Variants in LAMB2 observed in about 807,000 individuals in gnomAD.
LAMB2 encodes the protein laminin subunit beta 2.
A neutral mutation model predicts 202.7 loss-of-function variants in LAMB2; 119 were observed. That is an observed-to-expected ratio of 0.59 (90% CI 0.51 to 0.68). The LOEUF is 0.68. LAMB2 is among the 30% of genes least tolerant of loss of function. LAMB2 has a pLI of 0.00. For synonymous variants in LAMB2, 818 were observed against 902.2 expected, an observed-to-expected ratio of 0.91 and a Z score of 1.67; for missense variants, 2,124 against 2,410.6, an observed-to-expected ratio of 0.88 and a Z score of 2.49.
In LAMB2 at chr3:49,125,186, G is replaced by A. The variant is rs2045398516; in HGVS notation, c.2721-17C>T. The A allele has an allele frequency of 6.2e-7, 1 of 1,613,540 alleles. No individual in the cohort carries two copies. Among genetic ancestry groups the A allele is most frequent in the South Asian group, 1.1e-5 (1 of 91,084 alleles). ...GCAATGCACCTGCAGGGAGGAGGAA[G>A]AAGAAATGTGTCATCCCTGGGAAGC... On this transcript the variant is annotated splice_polypyrimidine_tract_variant and intron_variant, in intron 19 of 31. Coordinates refer to ENST00000305544, the MANE Select transcript of LAMB2 (RefSeq NM_002292.4).
chr3:49,124,928 G>C lies in LAMB2; in HGVS notation c.2885-3C>G. 1 of 1,614,006 alleles carries C rather than the reference G, an allele frequency of 6.2e-7. No individual in the cohort carries two copies. Among genetic ancestry groups the C allele is most frequent in the Non-Finnish European group, 8.5e-7 (1 of 1,180,024 alleles). On this transcript the variant is annotated splice_region_variant and splice_polypyrimidine_tract_variant and intron_variant, in intron 20 of 31. Coordinates refer to ENST00000305544, the MANE Select transcript of LAMB2 (RefSeq NM_002292.4). Reference sequence around the variant, plus strand: ...GGCACAAGCTTCACATCGCAGCCCTGCCCACGGTTAAGAGGAAGCTGTGAG... The same window carrying C: ...GGCACAAGCTTCACATCGCAGCCCTCCCCACGGTTAAGAGGAAGCTGTGAG...
In LAMB2 at chr3:49,131,496, C is replaced by G. The variant is rs757961189; in HGVS notation, c.648+39G>C. On this transcript the variant is annotated intron_variant, in intron 5 of 31. Transcript: ENST00000305544. The surrounding 1 kb of genome is among the most constrained non-coding windows in gnomAD (Gnocchi z 5.0). Reference sequence around the variant, plus strand: ...CTGGACCTTGCCTCAGGCCCATCATCCCCAGCTTCCAGCCCCCAGCCCAGA... The same window carrying G: ...CTGGACCTTGCCTCAGGCCCATCATGCCCAGCTTCCAGCCCCCAGCCCAGA... 4 of 1,613,862 alleles carry G rather than the reference C, an allele frequency of 2.5e-6. No homozygotes were observed. Among genetic ancestry groups the G allele is most frequent in the Non-Finnish European group, 3.4e-6 (4 of 1,179,816 alleles).
Position 49,121,795 on chromosome 3 carries a change from C to T in LAMB2, c.4989G>A (p.Leu1663=), listed in dbSNP as rs555797396. ...ATTTCAGAGCCTCCAGGAGAGCATC[C>T]AACTGCCGAGCCCTTTCACCTGCAG... ...LSSAGERARQ[L]DALLEALKLK... Residue 1663 remains leucine (L), a synonymous_variant, in exon 30 of 32, where the codon TTG becomes TTA. Coordinates refer to ENST00000305544, the MANE Select transcript of LAMB2 (RefSeq NM_002292.4). The T allele has an allele frequency of 1.2e-6, 2 of 1,613,392 alleles. No homozygotes were observed. The highest frequency in any genetic ancestry group is 2.2e-5 in the East Asian group (1 of 44,890).
chr3:49,132,566 T>A lies in LAMB2; in HGVS notation c.174A>T (p.Arg58=). Residue 58 remains arginine (R), a synonymous_variant, in exon 2 of 32, where the codon CGA becomes CGT. Transcript: ENST00000305544. The surrounding 1 kb of genome is among the most constrained non-coding windows in gnomAD (Gnocchi z 4.6). ...YPATGDLLVG[R]ADRLTASSTC... The stretch of plus-strand genomic sequence containing the variant: ...TGGATGAGGCAGTCAGTCTGTCAGC[T>A]CGGCCCACCAGCAGGTCGCCCGTGG... 1 of 1,613,686 alleles carries A rather than the reference T, an allele frequency of 6.2e-7. No individual in the cohort carries two copies. The highest frequency in any genetic ancestry group is 8.5e-7 in the Non-Finnish European group (1 of 1,180,022).
intron 15 of LAMB2, among the ~76,000 whole-genome samples, chr3:49,127,831 C>T (rs374092082): frequency 3.7e-4 from 56 of 150,450 alleles, no homozygotes; most frequent in Middle Eastern, 3.5e-3. Flanking sequence ...CCATCCTGGC[C>T]AACATGGTGA....
At chr3:49,122,543 A>T (rs1398538426) in intron 27 of LAMB2, 161 bp downstream of exon 27, 3 of 909,406 alleles carry the variant, frequency 3.3e-6, no homozygotes, top group Non-Finnish European at 5.4e-6. Context: ...AAGAACATGG[A>T]CCTGGGACCA....
chr3:49,125,488 G>T lies in LAMB2; in HGVS notation c.2489-4C>A, dbSNP rs1229351348. ...CCCTCGTGGCTGCACTGGCAGGCTA[G>T]GAGCAAGGCAGAGCTGAGCCAGAGC... is the stretch of plus-strand genomic sequence containing the variant. On this transcript the variant is annotated splice_region_variant and splice_polypyrimidine_tract_variant and intron_variant, in intron 18 of 31. Transcript: ENST00000305544. The T allele has an allele frequency of 6.3e-7, 1 of 1,583,988 alleles. No individual in the cohort carries two copies. Among genetic ancestry groups the T allele is most frequent in the Non-Finnish European group, 8.6e-7 (1 of 1,164,958 alleles).
rs1416648997 is a variant in LAMB2, at chr3:49,122,212, C to G, written c.4732G>C (p.Gly1578Arg). ...DVDAILARTV[G>R]DVRRAEQLLQ... is the part of the protein sequence containing the mutation. Reference sequence around the variant, plus strand: ...AGCTGCTCGGCACGACGCACATCTCCTACAGTACGTGCCAGGATCGCATCC... The same window carrying G: ...AGCTGCTCGGCACGACGCACATCTCGTACAGTACGTGCCAGGATCGCATCC... Residue 1578 changes from glycine (G) to arginine (R), a missense_variant, in exon 28 of 32, where the codon GGA becomes CGA. Gly to Arg is a moderately radical substitution (Grantham distance 125, BLOSUM62 -2). Around this residue, in one of 3 missense-constraint regions of LAMB2, gnomAD observed 1,702 missense variants for 1,896.3 expected, o/e 0.90. Transcript: ENST00000305544. 6.2e-7 allele frequency: 1 copy of G among 1,613,496 alleles called. No individual in the cohort carries two copies. Among genetic ancestry groups the G allele is most frequent in the Non-Finnish European group, 8.5e-7 (1 of 1,180,036 alleles).
Position 49,127,832 on chromosome 3 carries a change from A to G in LAMB2, c.2018+626T>C, listed in dbSNP as rs572770195. ...TCAGAAGATCGAGGCCATCCTGGCC[A>G]ACATGGTGAAACCCCATCTCTACTA... On this transcript the variant is annotated intron_variant, in intron 15 of 31. Transcript: ENST00000305544. Among the ~76,000 whole-genome samples, 6 of 152,222 alleles carry G rather than the reference A, an allele frequency of 3.9e-5. No homozygotes were observed. The East Asian group carries it at 1.2e-3, about 30-fold the overall frequency.
Position 49,132,634 on chromosome 3 carries a change from C to T in LAMB2, c.106G>A (p.Ala36Thr). 1 of 1,614,012 alleles carries T rather than the reference C, an allele frequency of 6.2e-7. No homozygotes were observed. The highest frequency in any genetic ancestry group is 8.5e-7 in the Non-Finnish European group (1 of 1,180,012). The part of the protein sequence containing the change: ...VLAATLAQAP[A>T]PDVPGCSRGS... ...CTGGAACAGCCAGGCACATCCGGGG[C>T]AGGGGCCTGTGCCAGTGTGGCAGCC... The change falls in exon 2 of 32, where the codon GCC (alanine) becomes ACC (threonine). Residue 36 changes from alanine to threonine, a missense_variant. Physicochemically the swap from Ala to Thr is moderately conservative, Grantham distance 58. This residue lies in a region of LAMB2 where 166 missense variants were observed against 158.2 expected (regional missense o/e 1.05). Coordinates refer to ENST00000305544, the MANE Select transcript of LAMB2 (RefSeq NM_002292.4). The surrounding 1 kb of genome is among the most constrained non-coding windows in gnomAD (Gnocchi z 4.6).
In LAMB2 at chr3:49,122,371, C is replaced by T. The variant is rs1246388514; in HGVS notation, c.4574-1G>A. The stretch of plus-strand genomic sequence containing the variant: ...ATGCTATCAGGATCAGCCCCCTCCT[C>T]TATAGGGACACAGCAAGAACTTAAG... On this transcript the variant is annotated splice_acceptor_variant, in intron 27 of 31. Transcript: ENST00000305544. LOFTEE classifies it high-confidence loss of function. 6.2e-7 allele frequency: 1 copy of T among 1,612,894 alleles called. No homozygotes were observed. The highest frequency in any genetic ancestry group is 8.5e-7 in the Non-Finnish European group (1 of 1,179,766).
rs751094333 is a variant in LAMB2, at chr3:49,129,004, G to A, written c.1731+16C>T. The A allele has an allele frequency of 2.5e-6, 4 of 1,606,210 alleles. No homozygotes were observed. Among genetic ancestry groups the A allele is most frequent in the Non-Finnish European group, 3.4e-6 (4 of 1,179,972 alleles). The stretch of plus-strand genomic sequence containing the variant: ...CCACCCACATCCAGCCCTCTGCTTA[G>A]GGGGAGGCCCCACACCTGCCCTCGG... On this transcript the variant is annotated intron_variant, in intron 13 of 31. Transcript: ENST00000305544. This position sits in a 1 kb window ranked among gnomAD's most constrained non-coding sequence, Gnocchi z 6.1.
chr3:49,122,347 T>C lies in LAMB2; in HGVS notation c.4597A>G (p.Ile1533Val), dbSNP rs2045327836. The C allele has an allele frequency of 1.5e-5, 24 of 1,613,298 alleles. No individual in the cohort carries two copies. Among genetic ancestry groups the C allele is most frequent in the Non-Finnish European group, 2.0e-5 (24 of 1,180,042 alleles). ...LNQEGADPDSIEMVATRVLEL... is the reference protein window; with the variant it reads ...LNQEGADPDSVEMVATRVLEL... ...AGCACCCGTGTGGCCACCATTTCAATGCTATCAGGATCAGCCCCCTCCTCT... is the reference window on the plus strand; with the variant it reads ...AGCACCCGTGTGGCCACCATTTCAACGCTATCAGGATCAGCCCCCTCCTCT... The change falls in exon 28 of 32, where the codon ATT becomes GTT. Residue 1533 changes from isoleucine (I) to valine (V), a missense_variant. This residue lies in a region of LAMB2 where 1,702 missense variants were observed against 1,896.3 expected (regional missense o/e 0.90). Transcript: ENST00000305544.
chr3:49,131,201 C>A lies in LAMB2; in HGVS notation c.713-49G>T, dbSNP rs777225377. On this transcript the variant is annotated intron_variant, in intron 6 of 31. Transcript: ENST00000305544. The surrounding 1 kb of genome is among the most constrained non-coding windows in gnomAD (Gnocchi z 5.0). ...ACTGACCAGGCAGGCCCTTGCTGCC[C>A]CATGTCCACCCAGGGGCTCAGCTGC... 6.3e-7 allele frequency: 1 copy of A among 1,575,482 alleles called. No homozygotes were observed. The highest frequency in any genetic ancestry group is 8.7e-7 in the Non-Finnish European group (1 of 1,148,298).
chr3:49,126,300 T>A, intron 16 of LAMB2, 65 bp downstream of exon 16: 1 of 1,612,278 alleles, frequency 6.2e-7, no homozygotes, highest in South Asian at 1.1e-5. Flanking sequence ...ACCCCTGCTA[T>A]CCCTCAAGTC....
rs1362500345 is a variant in LAMB2 at position 49,132,925 on chromosome 3, C to T, written c.-58G>A. ...AACGGTCTCGGGCCCGAGCCCTCCT[C>T]CTTGCTTTGGGGTTCCGTGTCAACT... On this transcript the variant is annotated 5_prime_UTR_variant, in exon 1 of 32. Coordinates refer to ENST00000305544, the MANE Select transcript of LAMB2 (RefSeq NM_002292.4). The surrounding 1 kb of genome is among the most constrained non-coding windows in gnomAD (Gnocchi z 4.6). 2.6e-6 allele frequency: 4 copies of T among 1,520,586 alleles called. No homozygotes were observed. The highest frequency in any genetic ancestry group is 9.1e-7 in the Non-Finnish European group (1 of 1,095,950). The allele number at this position is 1,520,586 out of a possible 1,614,324, so 94.2% of individuals were successfully genotyped here. A position where few individuals can be genotyped will look rare whatever the true frequency, so the allele number is the denominator to read the frequency against.
rs756575014 is a variant in LAMB2 at position 49,129,666 on chromosome 3, G to A, written c.1456C>T (p.Pro486Ser). The change falls in exon 11 of 32, where the codon CCC becomes TCC. Residue 486 changes from proline (P) to serine (S), a missense_variant. Transcript: ENST00000305544. This position sits in a 1 kb window ranked among gnomAD's most constrained non-coding sequence, Gnocchi z 6.1. ...GTVPGSTPCD[P>S]NSGSCYCKRL... ...TTGCAGTAACAGGATCCACTGTTGG[G>A]GTCACAAGGAGTGCTCCCAGGCACT... The A allele has an allele frequency of 6.2e-7, 1 of 1,614,148 alleles. No individual in the cohort carries two copies. Among genetic ancestry groups the A allele is most frequent in the Non-Finnish European group, 8.5e-7 (1 of 1,180,038 alleles).
In LAMB2 at chr3:49,132,012, T is replaced by G. The variant is rs1375216216; in HGVS notation, c.459+104A>C. Reference sequence around the variant, plus strand: ...GGTGTGAAGGGATGAAGGAGCCTCCTGCATCCATGCTCAAGGAGGCTGTGT... The same window carrying G: ...GGTGTGAAGGGATGAAGGAGCCTCCGGCATCCATGCTCAAGGAGGCTGTGT... On this transcript the variant is annotated intron_variant, in intron 4 of 31. Coordinates refer to ENST00000305544, the MANE Select transcript of LAMB2 (RefSeq NM_002292.4). The surrounding 1 kb of genome is among the most constrained non-coding windows in gnomAD (Gnocchi z 4.6). 8.7e-7 allele frequency: 1 copy of G among 1,146,064 alleles called. No homozygotes were observed. The highest frequency in any genetic ancestry group is 1.3e-6 in the Non-Finnish European group (1 of 757,478). 71.0% of individuals were successfully genotyped at this position (1,146,064 alleles called of 1,614,324 possible). A position where few individuals can be genotyped will look rare whatever the true frequency, so the allele number is the denominator to read the frequency against.
At position 49,125,987 on chromosome 3, in the gene LAMB2, A is replaced by G; in HGVS notation, c.2324T>C (p.Leu775Pro). Reference protein sequence around the residue: ...CAPLLISLSTLIYNGALPCQC... With the variant: ...CAPLLISLSTPIYNGALPCQC... The stretch of plus-strand genomic sequence containing the variant: ...CTCACGCAGGGCACCATTGTAGATG[A>G]GGGTGGACAGGCTGATGAGGAGGGG... The change falls in exon 17 of 32, where the codon CTC (leucine) becomes CCC (proline). Residue 775 changes from leucine to proline, a missense_variant. Coordinates refer to ENST00000305544, the MANE Select transcript of LAMB2 (RefSeq NM_002292.4). 1 of 1,614,146 alleles carries G rather than the reference A, an allele frequency of 6.2e-7. No individual in the cohort carries two copies. The highest frequency in any genetic ancestry group is 8.5e-7 in the Non-Finnish European group (1 of 1,180,016).
Sources: gnomAD v4.1 joint callset for allele counts (sites outside exome capture counted in the v4.1 genomes callset) on GRCh38, gnomAD v4.1.1 for gene constraint, gnomAD v4.1.1 regional missense constraint, Gnocchi (gnomAD v3.1) non-coding constraint, MANE v1.5 for transcripts, NCBI Gene and HGNC (gene_info 2026-07-23, HGNC 2026-07-21) for gene names.